FNIP2: variants seen among roughly 807,000 people sequenced by gnomAD.
The protein encoded by FNIP2 is folliculin-interacting protein 2.
Under a neutral mutation model 108.7 loss-of-function variants are expected in FNIP2, and 32 were observed. The observed-to-expected ratio is 0.29, with a 90% CI of 0.22 to 0.40. FNIP2 has a LOEUF of 0.40. Among genes scored for constraint, FNIP2 ranks in the 10% least tolerant of loss-of-function variants. The pLI, the probability that FNIP2 is intolerant of heterozygous loss-of-function variation, is 1.00. For missense variants in FNIP2, 1,202 were observed against 1,381.6 expected, an observed-to-expected ratio of 0.87 and a Z score of 2.06; for synonymous variants, 480 against 496.7, an observed-to-expected ratio of 0.97 and a Z score of 0.45.
chr4:158,887,408 G>C (rs1782073372), intron 14 of FNIP2, among the ~76,000 whole-genome samples: 1 of 152,090 alleles, frequency 6.6e-6, no homozygotes, highest in African/African-American at 2.4e-5. Context: ...ATATAATTCA[G>C]TGTTTGTTTA....
At chr4:158,829,003 G>T in intron 2 of FNIP2, 76 bp from the exon 3 acceptor site, 1 of 1,238,216 alleles carries the variant, frequency 8.1e-7, no homozygotes, top group South Asian at 1.8e-5. Context: ...TTTTAAAAAG[G>T]AATTCCCAAT....
At position 158,833,514 on chromosome 4, in the gene FNIP2, A is replaced by C; in HGVS notation, c.555-14A>C. On this transcript the variant is annotated splice_polypyrimidine_tract_variant and intron_variant, in intron 5 of 16. Coordinates refer to ENST00000264433, the MANE Select transcript of FNIP2 (RefSeq NM_020840.3). The stretch of plus-strand genomic sequence containing the variant: ...TGTCCTCTTTCTCCTTTTCCCCCCC[A>C]TCTCCGGATATAGCTTGCAAGACAG... The C allele has an allele frequency of 6.5e-7, 1 of 1,534,350 alleles. No individual in the cohort carries two copies. The highest frequency in any genetic ancestry group is 8.8e-7 in the Non-Finnish European group (1 of 1,133,530).
At chr4:158,893,699 G>A in intron 15 of FNIP2, 1 of 1,589,520 alleles carries the variant, frequency 6.3e-7, no homozygotes, top group Non-Finnish European at 8.6e-7. Flanking sequence ...TGCTGATTTA[G>A]AGGTTAATGT....
chr4:158,803,745 A>G (rs1035792815), intron 1 of FNIP2, among the ~76,000 whole-genome samples: 15 of 152,200 alleles, frequency 9.9e-5, no homozygotes, highest in African/African-American at 2.9e-4. Flanking sequence ...TTCTGTTAAG[A>G]TATCATGTTG....
chr4:158,865,948 G>A (rs931695327), intron 12 of FNIP2, among the ~76,000 whole-genome samples: 3 of 151,890 alleles, frequency 2.0e-5, no homozygotes, highest in Non-Finnish European at 2.9e-5. Flanking sequence ...CTTAGGAACC[G>A]TACACAAGGG....
chr4:158,812,861 C>T (rs1172432948), intron 1 of FNIP2, among the ~76,000 whole-genome samples: 1 of 151,042 alleles, frequency 6.6e-6, no homozygotes, highest in Non-Finnish European at 1.5e-5. Context: ...GTTTCACTGC[C>T]CTAGAAATCC....
chr4:158,832,945 C>CT (rs1778564979), intron 5 of FNIP2, among the ~76,000 whole-genome samples: 1 of 152,136 alleles, frequency 6.6e-6, no homozygotes, highest in African/African-American at 2.4e-5. Flanking sequence ...CAGCAAAAGT[C>CT]TTTAATTGTT....
chr4:158,845,986 A>C (rs1779381611), intron 7 of FNIP2, among the ~76,000 whole-genome samples: 1 of 152,208 alleles, frequency 6.6e-6, no homozygotes, highest in Admixed American at 6.5e-5. Flanking sequence ...CTCTTTTACA[A>C]GTTATAAGTT....
At chr4:158,892,873 G>A (rs545955300) in intron 15 of FNIP2, among the ~76,000 whole-genome samples, 6 of 152,136 alleles carry the variant, frequency 3.9e-5, no homozygotes, top group South Asian at 2.1e-4. Context: ...AATTACCTAC[G>A]CTAATTGCTA....
At chr4:158,866,426 C>T (rs952766362) in intron 12 of FNIP2, among the ~76,000 whole-genome samples, 23 of 150,890 alleles carry the variant, frequency 1.5e-4, no homozygotes, top group Admixed American at 5.3e-4. Flanking sequence ...CCCTGTTGGC[C>T]AGGCTGGTCT....
chr4:158,868,446 G>A lies in FNIP2; in HGVS notation c.1810G>A (p.Gly604Ser), dbSNP rs771998793. Reference sequence around the variant, plus strand: ...GACAGGGTTTCCTGAGTGCCCAGAGGGCACTGACAGTAGAGACCTGGGTCT... The same window carrying A: ...GACAGGGTTTCCTGAGTGCCCAGAGAGCACTGACAGTAGAGACCTGGGTCT... ...WPTGFPECPE[G>S]TDSRDLGLKP... Residue 604 changes from glycine to serine, a missense_variant, in exon 13 of 17, where the codon GGC becomes AGC. Around this residue, in one of 5 missense-constraint regions of FNIP2, gnomAD observed 878 missense variants for 990.3 expected, o/e 0.89. Coordinates refer to ENST00000264433, the MANE Select transcript of FNIP2 (RefSeq NM_020840.3). This position sits in a 1 kb window ranked among gnomAD's most constrained non-coding sequence, Gnocchi z 4.6. 1.2e-6 allele frequency: 2 copies of A among 1,613,998 alleles called. No homozygotes were observed.
At chr4:158,845,347 A>G (rs1017060640) in intron 7 of FNIP2, among the ~76,000 whole-genome samples, 3 of 152,242 alleles carry the variant, frequency 2.0e-5, no homozygotes, top group African/African-American at 7.2e-5. Flanking sequence ...TTTCATTATC[A>G]TGTAGATGCT....
intron 1 of FNIP2, among the ~76,000 whole-genome samples, chr4:158,815,047 G>T (rs1349768093): frequency 6.6e-6 from 1 of 152,236 alleles, no homozygotes; most frequent in East Asian, 1.9e-4. Context: ...AAATTGTGGT[G>T]CATGTTTAGA....
intron 1 of FNIP2, among the ~76,000 whole-genome samples, chr4:158,800,107 G>A (rs568698610): frequency 6.6e-5 from 10 of 152,096 alleles, no homozygotes; most frequent in African/African-American, 1.2e-4. Flanking sequence ...CCGCTGTTTC[G>A]TTTATCAGGT....
At position 158,868,570 on chromosome 4, in the gene FNIP2, A is replaced by G; in HGVS notation, c.1934A>G (p.Gln645Arg). 1 of 1,613,582 alleles carries G rather than the reference A, an allele frequency of 6.2e-7. No individual in the cohort carries two copies. ...GCATCAGACGCTTCCTGGAAACCTC[A>G]GAATGCATTTTGTGGGGATGAGAAA... ...GPASDASWKP[Q>R]NAFCGDEKNK... Residue 645 changes from glutamine to arginine, a missense_variant, in exon 13 of 17, where the codon CAG (glutamine) becomes CGG (arginine). Transcript: ENST00000264433. This position sits in a 1 kb window ranked among gnomAD's most constrained non-coding sequence, Gnocchi z 4.6.
At chr4:158,805,186 CAA>C (rs1339133243) in intron 1 of FNIP2, among the ~76,000 whole-genome samples, 1 of 152,148 alleles carries the variant, frequency 6.6e-6, no homozygotes, top group Non-Finnish European at 1.5e-5. Flanking sequence ...AAGGACCAGA[CAA>C]GAGTTCATCA....
rs1392520226 is a variant in FNIP2 at position 158,891,632 on chromosome 4, C to G, written c.3136C>G (p.Leu1046Val). 1.2e-6 allele frequency: 2 copies of G among 1,611,710 alleles called. No homozygotes were observed. Among genetic ancestry groups the G allele is most frequent in the Non-Finnish European group, 1.7e-6 (2 of 1,178,914 alleles). The part of the protein sequence containing the change: ...QSILQLYKLH[L>V]PADFCIMHLE... ...CATTTTACAGCTCTATAAGCTTCAC[C>G]TCCCTGCTGATTTTGTAAGTACTGG... The change falls in exon 15 of 17, where the codon CTC becomes GTC. Residue 1046 changes from leucine (L) to valine (V), a missense_variant. By Grantham distance (32) the Leu-to-Val change is conservative (BLOSUM62 1). Around this residue, in one of 5 missense-constraint regions of FNIP2, gnomAD observed 142 missense variants for 183.8 expected, o/e 0.77. Coordinates refer to ENST00000264433, the MANE Select transcript of FNIP2 (RefSeq NM_020840.3).
intron 8 of FNIP2, among the ~76,000 whole-genome samples, chr4:158,852,103 C>T (rs1442976906): frequency 6.6e-6 from 1 of 152,128 alleles, no homozygotes; most frequent in Non-Finnish European, 1.5e-5. Context: ...ACTCAACATA[C>T]GTAGAGATCC....
intron 14 of FNIP2, among the ~76,000 whole-genome samples, chr4:158,878,797 A>T (rs533472386): frequency 3.9e-5 from 6 of 152,320 alleles, no homozygotes; most frequent in African/African-American, 1.4e-4. Flanking sequence ...TTACGGTGAT[A>T]AAAAGAAGGA....
Sources: gnomAD v4.1 joint callset for allele counts (sites outside exome capture counted in the v4.1 genomes callset) on GRCh38, gnomAD v4.1.1 for gene constraint, gnomAD v4.1.1 regional missense constraint, Gnocchi (gnomAD v3.1) non-coding constraint, MANE v1.5 for transcripts, NCBI Gene and HGNC (gene_info 2026-07-23, HGNC 2026-07-21) for gene names.